Variants in GABARAPL1 observed in about 807,000 individuals in gnomAD.
GABARAPL1 encodes GABA type A receptor associated protein like 1.
Under a neutral mutation model 14.5 loss-of-function variants are expected in GABARAPL1, and 4 were observed. The ratio of observed to expected loss-of-function variants is 0.28; its 90% CI spans 0.14 to 0.63. GABARAPL1 has a LOEUF of 0.63. Among genes scored for constraint, GABARAPL1 ranks in the 30% least tolerant of loss-of-function variants. The pLI is 0.84. For missense variants in GABARAPL1, 82 were observed against 139.2 expected (o/e 0.59, Z 2.07); for synonymous variants, 47 against 50.6 (o/e 0.93, Z 0.30).
At chr12:10,215,344 G>A (rs1001431192) in intron 1 of GABARAPL1, among the ~76,000 whole-genome samples, 1 of 152,204 alleles carries the variant, frequency 6.6e-6, no homozygotes, top group African/African-American at 2.4e-5. Flanking sequence ...TGTGCCTTCA[G>A]AGAGGAAGGG....
intron 1 of GABARAPL1, among the ~76,000 whole-genome samples, chr12:10,216,662 T>G (rs892214505): frequency 6.6e-6 from 1 of 151,426 alleles, no homozygotes; most frequent in Non-Finnish European, 1.5e-5. Flanking sequence ...GCCTCAGCCT[T>G]CCTGAGTAGC....
At chr12:10,216,337 C>CG (rs367658134) in intron 1 of GABARAPL1, among the ~76,000 whole-genome samples, 1 of 151,864 alleles carries the variant, frequency 6.6e-6, no homozygotes, top group African/African-American at 2.4e-5. Flanking sequence ...GGCCACTGCA[C>CG]GCCAGCCCGG....
intron 1 of GABARAPL1, among the ~76,000 whole-genome samples, chr12:10,216,983 A>G (rs562647656): frequency 1.9e-3 from 286 of 152,296 alleles, no homozygotes; most frequent in Non-Finnish European, 2.6e-3. Flanking sequence ...TACAACTTGA[A>G]CTATAGAAGT....
intron 1 of GABARAPL1, among the ~76,000 whole-genome samples, chr12:10,215,899 T>TTTTG (rs1565436541): frequency 1.2e-4 from 1 of 8,552 alleles, no homozygotes; most frequent in Non-Finnish European, 1.2e-3. Flanking sequence ...GTTTTTGTTG[T>TTTTG]TTTTTTTTTT....
intron 3 of GABARAPL1, chr12:10,220,953 C>T (rs1949117699): frequency 7.8e-7 from 1 of 1,280,344 alleles, no homozygotes; most frequent in Non-Finnish European, 9.9e-7. Context: ...TTATTTTACT[C>T]CCATTTAGCA....
At chr12:10,217,041 A>G (rs963466601) in intron 1 of GABARAPL1, among the ~76,000 whole-genome samples, 38 of 152,332 alleles carry the variant, frequency 2.5e-4, no homozygotes, top group East Asian at 7.7e-4. Context: ...TCGAAAGCCT[A>G]AAGCTCATGA....
chr12:10,221,892 G>C lies in GABARAPL1; in HGVS notation c.*40G>C. On this transcript the variant is annotated 3_prime_UTR_variant, in exon 4 of 4. Coordinates refer to ENST00000266458, the MANE Select transcript of GABARAPL1 (RefSeq NM_031412.4). ...AGCAGATGGGAGCACCTGGACTTGG[G>C]GGTAGGGGAGGGGTGTGTGTGCGCG... 1 of 1,592,096 alleles carries C rather than the reference G, an allele frequency of 6.3e-7. No homozygotes were observed. The highest frequency in any genetic ancestry group is 8.6e-7 in the Non-Finnish European group (1 of 1,160,584).
chr12:10,213,796 A>G (rs1260726625), intron 1 of GABARAPL1: 3 of 455,406 alleles, frequency 6.6e-6, no homozygotes, highest in South Asian at 4.6e-5. Context: ...AAACAAGGTC[A>G]CGTTCTCTGC....
rs570086996 is a variant in GABARAPL1 at position 10,219,350 on chromosome 12, A to C, written c.170-1090A>C. 2.6e-5 allele frequency among the ~76,000 whole-genome samples: 4 copies of C among 151,554 alleles called. No homozygotes were observed. In the South Asian group the frequency reaches 8.3e-4, roughly 32 times the overall value. ...ACAAAAAACAAAAAAAAAAAACCCC[A>C]AAATTCGGCTTTGTTAATTGTGATA... On this transcript the variant is annotated intron_variant, in intron 2 of 3. Coordinates refer to ENST00000266458, the MANE Select transcript of GABARAPL1 (RefSeq NM_031412.4).
chr12:10,222,250 G>T lies in GABARAPL1; in HGVS notation c.*398G>T, dbSNP rs553684773. ...CTCTTTGGGCAGAGATTCTATTTTT[G>T]ACATTTGCACAAGACAGGTAGGGAA... On this transcript the variant is annotated 3_prime_UTR_variant, in exon 4 of 4. Coordinates refer to ENST00000266458, the MANE Select transcript of GABARAPL1 (RefSeq NM_031412.4). The T allele has an allele frequency of 9.6e-6, 2 of 207,338 alleles. No homozygotes were observed. Among genetic ancestry groups the T allele is most frequent in the Admixed American group, 1.0e-4 (2 of 19,438 alleles). 12.8% of individuals were successfully genotyped at this position (207,338 alleles called of 1,614,324 possible).
chr12:10,218,441 C>T (rs1416457449), intron 2 of GABARAPL1, among the ~76,000 whole-genome samples: 5 of 151,874 alleles, frequency 3.3e-5, no homozygotes, highest in African/African-American at 1.2e-4. Context: ...GGCTTGGTGG[C>T]GGGTGCCTGT....
At chr12:10,221,497 G>A in intron 3 of GABARAPL1, 3 of 898,146 alleles carry the variant, frequency 3.3e-6, no homozygotes, top group Non-Finnish European at 4.0e-6. Context: ...TCCATCTGTG[G>A]TATCTATGTT....
Position 10,220,572 on chromosome 12 carries a change from T to C in GABARAPL1, c.288+14T>C, listed in dbSNP as rs1397901734. 1.2e-6 allele frequency: 2 copies of C among 1,614,108 alleles called. No individual in the cohort carries two copies. Among genetic ancestry groups the C allele is most frequent in the South Asian group, 1.1e-5 (1 of 91,080 alleles). On this transcript the variant is annotated intron_variant, in intron 3 of 3. Transcript: ENST00000266458. ...CAACTGTATGAGGTAATGGTTCTGG[T>C]TGCACAATACTGGATGCCGTCCAGT...
In GABARAPL1 at chr12:10,221,793, C is replaced by G; in HGVS notation, c.295C>G (p.His99Asp). 6.2e-7 allele frequency: 1 copy of G among 1,613,920 alleles called. No individual in the cohort carries two copies. The highest frequency in any genetic ancestry group is 8.5e-7 in the Non-Finnish European group (1 of 1,179,852). The change falls in exon 4 of 4, where the codon CAT (histidine) becomes GAT (aspartate). Residue 99 changes from histidine to aspartate, a missense_variant. Physicochemically the swap from His to Asp is moderately conservative, Grantham distance 81. Transcript: ENST00000266458. ...GTCTTATCTCTTCCCCTAGGACAAT[C>G]ATGAGGAAGACTATTTTCTGTATGT... ...ATMGQLYEDN[H>D]EEDYFLYVAY...
Position 10,213,118 on chromosome 12 carries a change from CTGCGG to C in GABARAPL1, c.-8_-4del. The C allele has an allele frequency of 6.4e-7, 1 of 1,557,970 alleles. No individual in the cohort carries two copies. Among genetic ancestry groups the C allele is most frequent in the Non-Finnish European group, 8.7e-7 (1 of 1,143,088 alleles). On this transcript the variant is annotated 5_prime_UTR_variant, in exon 1 of 4. Transcript: ENST00000266458. ...GCCCCGCGCGGGGATCTCGGAAGCC[CTGCGG>C]TGCATCATGAAGTTCCAGTACAAGG... is the stretch of plus-strand genomic sequence containing the variant.
chr12:10,219,335 A>AC (rs2095397908), intron 2 of GABARAPL1, among the ~76,000 whole-genome samples: 1 of 141,782 alleles, frequency 7.1e-6, no homozygotes, highest in Non-Finnish European at 1.5e-5. Flanking sequence ...ACAAAAAACA[A>AC]AAAAAAAAAA....
intron 1 of GABARAPL1, chr12:10,213,472 A>G: frequency 2.0e-6 from 1 of 512,134 alleles, no homozygotes; most frequent in Non-Finnish European, 3.7e-6. Context: ...CGCCGTCTTC[A>G]GTGACTCAGC....
chr12:10,219,324 AAC>A (rs1949107096), intron 2 of GABARAPL1, among the ~76,000 whole-genome samples: 1 of 110,106 alleles, frequency 9.1e-6, no homozygotes, highest in African/African-American at 2.8e-5. Flanking sequence ...GCCTCAAAAA[AAC>A]AAAAAACAAA....
Position 10,212,969 on chromosome 12 carries a change from C to T in GABARAPL1, c.-161C>T. The stretch of plus-strand genomic sequence containing the variant: ...GGCAGGCTCACCCGAGATCCCCGCC[C>T]CGAACCCCCCCTGCACACTCGGCCC... On this transcript the variant is annotated 5_prime_UTR_variant, in exon 1 of 4. Coordinates refer to ENST00000266458, the MANE Select transcript of GABARAPL1 (RefSeq NM_031412.4). 1.7e-6 allele frequency: 1 copy of T among 578,758 alleles called. No homozygotes were observed. Among genetic ancestry groups the T allele is most frequent in the Non-Finnish European group, 3.2e-6 (1 of 315,776 alleles). The allele number at this position is 578,758 out of a possible 1,614,324, so 35.9% of individuals were successfully genotyped here.
Sources: gnomAD v4.1 joint callset for allele counts (sites outside exome capture counted in the v4.1 genomes callset) on GRCh38, gnomAD v4.1.1 for gene constraint, MANE v1.5 for transcripts, NCBI Gene and HGNC (gene_info 2026-07-23, HGNC 2026-07-21) for gene names.